Variants in AGBL4 observed in about 807,000 individuals in gnomAD.
AGBL4 encodes the protein cytosolic carboxypeptidase 6.
AGBL4 carries 58 observed loss-of-function variants against 66.4 expected under a neutral mutation model. The observed-to-expected ratio is 0.87, with a 90% CI of 0.71 to 1.09. The LOEUF (loss-of-function observed/expected upper bound fraction) is 1.09, where lower values mean the gene tolerates loss of function less well. Ranked by LOEUF, AGBL4 falls within the 50% of genes least tolerant of loss-of-function variation. The pLI, the probability that AGBL4 is intolerant of heterozygous loss-of-function variation, is 0.00. For missense variants in AGBL4, 579 were observed against 631.0 expected (o/e 0.92, Z 0.88); for synonymous variants, 234 against 222.9 (o/e 1.05, Z -0.44).
chr1:49,077,289 C>T (rs1644729638), intron 4 of AGBL4, among the ~76,000 whole-genome samples: 1 of 152,026 alleles, frequency 6.6e-6, no homozygotes, highest in African/African-American at 2.4e-5. Flanking sequence ...ACACCATCAC[C>T]ATCATCTCAC....
chr1:48,709,886 G>A (rs1293013599), intron 6 of AGBL4, among the ~76,000 whole-genome samples: 2 of 152,138 alleles, frequency 1.3e-5, no homozygotes, highest in Non-Finnish European at 2.9e-5. Flanking sequence ...ACAGGCGTGA[G>A]CCACCATGCC....
chr1:49,672,952 G>C (rs1191185059), intron 3 of AGBL4, among the ~76,000 whole-genome samples: 2 of 143,286 alleles, frequency 1.4e-5, no homozygotes, highest in Admixed American at 7.0e-5. Flanking sequence ...GAAAAGAAAA[G>C]ATAGAGAAAT....
At chr1:49,959,726 G>A (rs188993562) in intron 1 of AGBL4, among the ~76,000 whole-genome samples, 38 of 152,150 alleles carry the variant, frequency 2.5e-4, no homozygotes, top group Non-Finnish European at 4.9e-4. Flanking sequence ...AAAGACACAT[G>A]CATACATATA....
At chr1:48,547,469 G>T (rs1167711984) in intron 11 of AGBL4, among the ~76,000 whole-genome samples, 1 of 152,128 alleles carries the variant, frequency 6.6e-6, no homozygotes, top group East Asian at 1.9e-4. Context: ...GTCGATGGGG[G>T]TGCCCTGATC....
intron 9 of AGBL4, among the ~76,000 whole-genome samples, chr1:48,591,302 C>A (rs866684105): frequency 1.4e-4 from 21 of 152,260 alleles, no homozygotes; most frequent in South Asian, 2.1e-4. Context: ...TGGGTTAAGT[C>A]ATGATGTTAC....
At chr1:49,050,523 T>C (rs1304065848) in intron 4 of AGBL4, among the ~76,000 whole-genome samples, 1 of 152,088 alleles carries the variant, frequency 6.6e-6, no homozygotes, top group South Asian at 2.1e-4. Flanking sequence ...GCTCCACTAA[T>C]ATATATATAC....
At chr1:49,925,996 C>T (rs1652729603) in intron 1 of AGBL4, among the ~76,000 whole-genome samples, 1 of 152,202 alleles carries the variant, frequency 6.6e-6, no homozygotes, top group Admixed American at 6.5e-5. Context: ...GCTTTGCCAC[C>T]TGCTGACTGT....
chr1:48,626,764 C>A (rs143252661), intron 9 of AGBL4, among the ~76,000 whole-genome samples: 45 of 152,306 alleles, frequency 3.0e-4, no homozygotes, highest in Middle Eastern at 3.4e-3. Flanking sequence ...CTGCAGGGAA[C>A]CTCTGGGATA....
chr1:48,810,509 T>G (rs575408499), intron 6 of AGBL4, among the ~76,000 whole-genome samples: 1 of 152,280 alleles, frequency 6.6e-6, no homozygotes, highest in East Asian at 1.9e-4. Flanking sequence ...TTGATTAGAT[T>G]TGTAACTTCA....
chr1:49,160,211 T>G (rs956946991), intron 4 of AGBL4, among the ~76,000 whole-genome samples: 1 of 152,194 alleles, frequency 6.6e-6, no homozygotes, highest in Non-Finnish European at 1.5e-5. Flanking sequence ...TTTATCTACC[T>G]GGATCTTTGA....
intron 1 of AGBL4, among the ~76,000 whole-genome samples, chr1:50,012,887 A>C (rs1431748419): frequency 6.6e-6 from 1 of 152,178 alleles, no homozygotes; most frequent in Non-Finnish European, 1.5e-5. Context: ...AACCACGTTG[A>C]TCGTAAGGAT....
chr1:48,849,166 G>A (rs902006172), intron 6 of AGBL4, among the ~76,000 whole-genome samples: 3 of 152,192 alleles, frequency 2.0e-5, no homozygotes, highest in Non-Finnish European at 4.4e-5. Flanking sequence ...GCAAGACTTA[G>A]GTTGATAGCT....
At chr1:48,902,666 A>G (rs1003638081) in intron 5 of AGBL4, among the ~76,000 whole-genome samples, 1 of 152,088 alleles carries the variant, frequency 6.6e-6, no homozygotes, top group Non-Finnish European at 1.5e-5. Flanking sequence ...CATCCCCTCC[A>G]TATCCCCATT....
intron 1 of AGBL4, among the ~76,000 whole-genome samples, chr1:49,901,870 C>A (rs1649799741): frequency 6.6e-6 from 1 of 152,020 alleles, no homozygotes; most frequent in African/African-American, 2.4e-5. Context: ...AATACAGAAC[C>A]CAGAAATAAT....
intron 3 of AGBL4, among the ~76,000 whole-genome samples, chr1:49,357,884 C>G (rs539460974): frequency 6.6e-6 from 1 of 152,288 alleles, no homozygotes; most frequent in Admixed American, 6.5e-5. Flanking sequence ...TGTGTTATAT[C>G]TTACTGGGAC....
At position 48,932,830 on chromosome 1, in the gene AGBL4, A is replaced by AAAAAC. The variant is rs533601444; in HGVS notation, c.595-65605_595-65601dup. Among the ~76,000 whole-genome samples, 231 of 152,230 alleles carry AAAAAC rather than the reference A, an allele frequency of 1.5e-3. 1 individual carries two copies. Among genetic ancestry groups the AAAAAC allele is most frequent in the African/African-American group, 5.2e-3 (216 of 41,544 alleles). On this transcript the variant is annotated intron_variant, in intron 5 of 13. Coordinates refer to ENST00000371839, the MANE Select transcript of AGBL4 (RefSeq NM_032785.4). ...TTTTTTTTTACACAACTCCATCACC[A>AAAAAC]AAAACAAAACAAAACAAAACAAAAA...
At chr1:49,579,530 C>T (rs1209766842) in intron 3 of AGBL4, among the ~76,000 whole-genome samples, 5 of 152,016 alleles carry the variant, frequency 3.3e-5, no homozygotes, top group Non-Finnish European at 5.9e-5. Context: ...GATAAAGTCT[C>T]GCTCTTTCAC....
At chr1:48,549,340 C>A (rs1644214974) in intron 11 of AGBL4, among the ~76,000 whole-genome samples, 1 of 152,218 alleles carries the variant, frequency 6.6e-6, no homozygotes, top group African/African-American at 2.4e-5. Flanking sequence ...CATGACTAAA[C>A]AGGTGAATCC....
intron 6 of AGBL4, among the ~76,000 whole-genome samples, chr1:48,702,812 A>G (rs1646823288): frequency 6.6e-6 from 1 of 152,178 alleles, no homozygotes. Context: ...ATTGCATTTG[A>G]TTCCGTAGTC....
Sources: gnomAD v4.1 joint callset for allele counts (sites outside exome capture counted in the v4.1 genomes callset) on GRCh38, gnomAD v4.1.1 for gene constraint, MANE v1.5 for transcripts, NCBI Gene and HGNC (gene_info 2026-07-23, HGNC 2026-07-21) for gene names.